Variants in ANKIB1 observed in about 807,000 individuals in gnomAD.
The protein encoded by ANKIB1 is ankyrin repeat and IBR domain-containing protein 1.
A neutral mutation model predicts 122.1 loss-of-function variants in ANKIB1; 43 were observed. The ratio of observed to expected loss-of-function variants is 0.35; its 90% CI spans 0.28 to 0.45. ANKIB1 has a LOEUF of 0.45. Among genes scored for constraint, ANKIB1 ranks in the 20% least tolerant of loss-of-function variants. The pLI is 1.00. For missense variants in ANKIB1, 992 were observed against 1,329.5 expected (o/e 0.75, Z 3.95); for synonymous variants, 390 against 442.0 (o/e 0.88, Z 1.48).
intron 11 of ANKIB1, among the ~76,000 whole-genome samples, chr7:92,376,435 C>CTTT (rs1018441745): frequency 6.7e-6 from 1 of 150,026 alleles, no homozygotes. Context: ...TTACCTTGCA[C>CTTT]TTTTTTTTTA....
At chr7:92,352,328 TA>T in intron 8 of ANKIB1, 147 bp from the exon 9 acceptor site, 1 of 796,762 alleles carries the variant, frequency 1.3e-6, no homozygotes, top group Non-Finnish European at 1.9e-6. Flanking sequence ...CAGTACTATT[TA>T]AATTTCTTGA....
At chr7:92,325,817 T>A (rs1803016294) in intron 4 of ANKIB1, 1 of 297,870 alleles carries the variant, frequency 3.4e-6, no homozygotes. Context: ...AATAGGCTGT[T>A]TCACAATCTT....
rs533800397 is a variant in ANKIB1 at position 92,309,078 on chromosome 7, A to G, written c.486+1422A>G. Among the ~76,000 whole-genome samples the G allele has an allele frequency of 4.6e-5, 7 of 152,226 alleles. No individual in the cohort carries two copies. In the South Asian group the frequency reaches 6.2e-4, roughly 14 times the overall value. On this transcript the variant is annotated intron_variant, in intron 3 of 19. Transcript: ENST00000265742. ...TTTCTTCAGTATATCTGAAGTGTCA[A>G]TTCTTTGATTTCTAATATGCTTGTG...
intron 5 of ANKIB1, among the ~76,000 whole-genome samples, chr7:92,336,326 T>C (rs1189009151): frequency 2.0e-5 from 3 of 152,064 alleles, no homozygotes; most frequent in Admixed American, 6.6e-5. Context: ...TTACACTCGG[T>C]TCTTTTTTAT....
At chr7:92,347,828 A>G (rs1053254225) in intron 7 of ANKIB1, 5 of 243,380 alleles carry the variant, frequency 2.1e-5, no homozygotes, top group Non-Finnish European at 4.1e-5. Context: ...TGATAATAGT[A>G]TGTGCTTCCT....
chr7:92,347,433 G>A (rs944956570), intron 7 of ANKIB1, among the ~76,000 whole-genome samples: 2 of 152,046 alleles, frequency 1.3e-5, no homozygotes, highest in Non-Finnish European at 2.9e-5. Flanking sequence ...AAGTATTGAT[G>A]CCAAGGGCTG....
intron 6 of ANKIB1, among the ~76,000 whole-genome samples, chr7:92,344,193 G>GTTTTTTTTTTTT: frequency 1.0e-5 from 1 of 97,676 alleles, no homozygotes. Flanking sequence ...TGTGTTTTTG[G>GTTTTTTTTTTTT]TTTTTTTTTT....
chr7:92,338,968 A>T lies in ANKIB1; in HGVS notation c.788-4056A>T, dbSNP rs1254302291. Among the ~76,000 whole-genome samples, 53 of 93,132 alleles carry T rather than the reference A, an allele frequency of 5.7e-4. 2 individuals are homozygous for T. In the East Asian group the frequency reaches 0.025, roughly 44 times the overall value. The allele number at this position is 93,132 out of a possible 152,430, so 61.1% of individuals were successfully genotyped here. ...TATATATATATATATATATATATAT[A>T]TATTTATATGAATCTTCCTTTTTTC... On this transcript the variant is annotated intron_variant, in intron 5 of 19. Transcript: ENST00000265742.
chr7:92,363,198 G>A (rs891314950), intron 10 of ANKIB1, among the ~76,000 whole-genome samples: 1 of 152,084 alleles, frequency 6.6e-6, no homozygotes, highest in African/African-American at 2.4e-5. Flanking sequence ...GGATCATGAG[G>A]TCAAGAGATG....
intron 3 of ANKIB1, among the ~76,000 whole-genome samples, chr7:92,309,560 G>T (rs1802641258): frequency 6.6e-6 from 1 of 152,072 alleles, no homozygotes; most frequent in South Asian, 2.1e-4. Flanking sequence ...TTATTGATGG[G>T]ACTGCATCAT....
At chr7:92,389,933 T>A in intron 14 of ANKIB1, 38 bp from the exon 15 acceptor site, 5 of 1,558,136 alleles carry the variant, frequency 3.2e-6, no homozygotes, top group Non-Finnish European at 4.3e-6. Flanking sequence ...ATGGCATATT[T>A]GCAAAAACAA....
chr7:92,387,062 A>G (rs1054725522), intron 12 of ANKIB1, among the ~76,000 whole-genome samples: 6 of 151,024 alleles, frequency 4.0e-5, no homozygotes, highest in Non-Finnish European at 8.9e-5. Context: ...GTGCTGGCCA[A>G]TTTGGTTCTT....
chr7:92,319,211 T>C lies in ANKIB1; in HGVS notation c.487-119T>C, dbSNP rs941533109. On this transcript the variant is annotated intron_variant, in intron 3 of 19. Coordinates refer to ENST00000265742, the MANE Select transcript of ANKIB1 (RefSeq NM_019004.2). ...TTTTTTTGTCATTTCAAATACATAC[T>C]GTACATACTGTTGCATTTTTGTTGT... 4 of 588,218 alleles carry C rather than the reference T, an allele frequency of 6.8e-6. No individual in the cohort carries two copies. The African/African-American group carries it at 7.6e-5, about 11-fold the overall frequency. 36.4% of individuals were successfully genotyped at this position (588,218 alleles called of 1,614,324 possible).
intron 5 of ANKIB1, 139 bp from the exon 6 acceptor site, chr7:92,342,885 C>A: frequency 3.0e-6 from 2 of 676,598 alleles, no homozygotes; most frequent in Admixed American, 2.5e-5. Flanking sequence ...CCTAGACATT[C>A]ATTTGCAGTT....
intron 5 of ANKIB1, among the ~76,000 whole-genome samples, chr7:92,330,141 C>T (rs1016184014): frequency 2.6e-5 from 4 of 152,174 alleles, no homozygotes; most frequent in Admixed American, 2.6e-4. Context: ...AGTGTGTCTT[C>T]CGAAGTCTCA....
At chr7:92,266,973 G>A (rs1260970858) in intron 1 of ANKIB1, among the ~76,000 whole-genome samples, 2 of 152,190 alleles carry the variant, frequency 1.3e-5, no homozygotes, top group East Asian at 3.8e-4. Flanking sequence ...TGAATTTTGA[G>A]TTGAGAGGCA....
intron 2 of ANKIB1, among the ~76,000 whole-genome samples, chr7:92,299,479 G>A (rs535089639): frequency 3.7e-4 from 56 of 152,220 alleles, no homozygotes; most frequent in African/African-American, 1.0e-3. Context: ...TGAATTTTTG[G>A]TATAGTATCA....
intron 1 of ANKIB1, among the ~76,000 whole-genome samples, chr7:92,250,734 G>A (rs1801313123): frequency 1.3e-5 from 2 of 152,116 alleles, no homozygotes; most frequent in African/African-American, 4.8e-5. Context: ...AAATTATCAT[G>A]CTCATTATTG....
At chr7:92,340,498 T>C (rs546045336) in intron 5 of ANKIB1, among the ~76,000 whole-genome samples, 1 of 152,224 alleles carries the variant, frequency 6.6e-6, no homozygotes, top group Non-Finnish European at 1.5e-5. Context: ...GGCCCTAATA[T>C]GACTGGCCAT....
Sources: allele counts gnomAD v4.1 joint callset (sites outside exome capture counted in the v4.1 genomes callset), GRCh38; gene constraint gnomAD v4.1.1; transcripts MANE v1.5; gene names NCBI Gene and HGNC (gene_info 2026-07-23, HGNC 2026-07-21).